Variants in BRI3 observed in about 807,000 individuals in gnomAD.
BRI3 encodes membrane protein BRI3.
In BRI3, 6 loss-of-function variants were observed where a neutral mutation model predicts 12.8. The observed-to-expected ratio is 0.47, with a 90% CI of 0.26 to 0.93. The LOEUF is 0.93. Among genes scored for constraint, BRI3 ranks in the 40% least tolerant of loss-of-function variants. BRI3 has a pLI of 0.15. For missense variants in BRI3, 134 were observed against 171.1 expected (o/e 0.78, Z 1.21); for synonymous variants, 91 against 76.1 (o/e 1.20, Z -1.02).
chr7:98,293,552 G>A (rs140138864), downstream of BRI3: 52 of 1,613,740 alleles, frequency 3.2e-5, no homozygotes, highest in Admixed American at 4.3e-4. Context: ...GCGATCATTC[G>A]TCACAGTCGG....
At chr7:98,292,509 T>A, downstream of BRI3, 1 of 903,884 alleles carries the variant, frequency 1.1e-6, no homozygotes, top group Non-Finnish European at 1.7e-6. Context: ...TAGGTCCAGA[T>A]CCTTGGCAGC....
Position 98,291,419 on chromosome 7 carries a change from G to A in BRI3, c.*176G>A, listed in dbSNP as rs1020532050. On this transcript the variant is annotated 3_prime_UTR_variant, in exon 3 of 3. Transcript: ENST00000297290. ...GTGGAGAGGCAGTGCTGCTGCTCCC[G>A]CCCGAGGCTCATGACAACTCAATAA... 2.9e-5 allele frequency: 41 copies of A among 1,434,654 alleles called. No individual in the cohort carries two copies. The highest frequency in any genetic ancestry group is 5.1e-5 in the East Asian group (2 of 39,298). The allele number at this position is 1,434,654 out of a possible 1,614,324, so 88.9% of individuals were successfully genotyped here.
intron 2 of BRI3, among the ~76,000 whole-genome samples, chr7:98,284,811 G>A (rs897820727): frequency 6.6e-6 from 1 of 152,154 alleles, no homozygotes; most frequent in Non-Finnish European, 1.5e-5. Context: ...GCCTGGCGGC[G>A]GATATGTCCC....
chr7:98,312,101 T>C (rs200743492), downstream of BRI3: 34 of 1,595,714 alleles, frequency 2.1e-5, no homozygotes, highest in East Asian at 2.2e-5. Context: ...TCCTACCACA[T>C]TGCTTCTCTC....
At chr7:98,307,352 C>T (rs1263951012) in intron 1 of BRI3, 7 of 1,099,438 alleles carry the variant, frequency 6.4e-6, no homozygotes, top group African/African-American at 1.6e-5. Context: ...GTGATCTGCC[C>T]GCCTTAGCCT....
At chr7:98,287,237 CTCTT>C (rs1260752719) in intron 2 of BRI3, among the ~76,000 whole-genome samples, 1 of 152,202 alleles carries the variant, frequency 6.6e-6, no homozygotes, top group Non-Finnish European at 1.5e-5. Flanking sequence ...CTCCTACCCT[CTCTT>C]TAAGCGGTGT....
At chr7:98,282,512 C>G in intron 2 of BRI3, 59 bp downstream of exon 2, 1 of 1,382,304 alleles carries the variant, frequency 7.2e-7, no homozygotes. Flanking sequence ...CCCGCCCTAA[C>G]CCCCAGGACC....
At chr7:98,304,084 CCA>C (rs1358519165), upstream of BRI3, 1 of 1,168,788 alleles carries the variant, frequency 8.6e-7, no homozygotes. Context: ...CCCGGGGACA[CCA>C]CTCTCCCCCT....
chr7:98,314,574 T>C (rs757775808), downstream of BRI3, among the ~76,000 whole-genome samples: 1 of 152,128 alleles, frequency 6.6e-6, no homozygotes, highest in Non-Finnish European at 1.5e-5. Flanking sequence ...GGTTCGAACC[T>C]CACAGCTGTG....
chr7:98,311,612 G>C (rs181049795), downstream of BRI3, among the ~76,000 whole-genome samples: 660 of 149,334 alleles, frequency 4.4e-3, 1 homozygote, highest in African/African-American at 0.015. Context: ...GCCAAACATA[G>C]TATAAAACAT....
exon 2 of BRI3, chr7:98,307,545 C>T (rs111950058): frequency 7.5e-6 from 11 of 1,463,018 alleles, no homozygotes; most frequent in African/African-American, 2.8e-5. Context: ...GATCGAATAA[C>T]TTCAGTTAAC....
the BRI3 span, among the ~76,000 whole-genome samples, chr7:98,321,914 G>A: frequency 5.3e-5 from 8 of 152,128 alleles, no homozygotes; most frequent in African/African-American, 1.9e-4. Flanking sequence ...TGGCCAACAC[G>A]GTGAAACCCC....
At chr7:98,317,409 C>T in the BRI3 span, 1 of 1,601,332 alleles carries the variant, frequency 6.2e-7, no homozygotes, top group Non-Finnish European at 8.5e-7. Flanking sequence ...CGAATTGTCA[C>T]ACAGTTTGCC....
the BRI3 span, among the ~76,000 whole-genome samples, chr7:98,322,052 C>T: frequency 1.2e-4 from 19 of 152,076 alleles, no homozygotes; most frequent in African/African-American, 3.6e-4. Flanking sequence ...GCCGAGATAG[C>T]GCCACTGCAC....
At chr7:98,283,108 G>C (rs1221631392) in intron 2 of BRI3, 3 of 152,336 alleles carry the variant, frequency 2.0e-5, no homozygotes, top group Non-Finnish European at 4.4e-5. Context: ...TTTTGTGGAG[G>C]TTTTGAGGAT....
chr7:98,298,603 A>T (rs990777902), intron 1 of BRI3, among the ~76,000 whole-genome samples: 2 of 151,712 alleles, frequency 1.3e-5, no homozygotes, highest in Admixed American at 6.6e-5. Flanking sequence ...ACAGAGCAAG[A>T]CTCTGTCTCA....
intron 2 of BRI3, among the ~76,000 whole-genome samples, chr7:98,287,260 G>T (rs550538586): frequency 6.6e-6 from 1 of 152,352 alleles, no homozygotes; most frequent in South Asian, 2.1e-4. Flanking sequence ...GTGGAGGTGG[G>T]CAGGAGGGTG....
chr7:98,286,821 A>C (rs1204022171), intron 2 of BRI3, among the ~76,000 whole-genome samples: 1 of 152,272 alleles, frequency 6.6e-6, no homozygotes, highest in Non-Finnish European at 1.5e-5. Context: ...AAAGTAGGAT[A>C]AATTACGACT....
downstream of BRI3, among the ~76,000 whole-genome samples, chr7:98,313,149 ACCCCCAACTGTCAC>A (rs1800936112): frequency 4.0e-5 from 1 of 25,092 alleles, no homozygotes; most frequent in Non-Finnish European, 8.8e-5. Flanking sequence ...CTGTCACCCC[ACCCCCAACTGTCAC>A]CCTGACACTC....
Sources: gnomAD v4.1 joint callset for allele counts (sites outside exome capture counted in the v4.1 genomes callset) on GRCh38, gnomAD v4.1.1 for gene constraint, MANE v1.5 for transcripts, NCBI Gene and HGNC (gene_info 2026-07-23, HGNC 2026-07-21) for gene names.